CTNNA2: variants seen among roughly 807,000 people sequenced by gnomAD.
The protein encoded by CTNNA2 is catenin alpha-2.
Under a neutral mutation model 101.0 loss-of-function variants are expected in CTNNA2, and 42 were observed. That is an observed-to-expected ratio of 0.42 (90% CI 0.32 to 0.54). The LOEUF is 0.54. Among genes scored for constraint, CTNNA2 ranks in the 20% least tolerant of loss-of-function variants. The pLI is 0.14. For synonymous variants in CTNNA2, 450 were observed against 456.4 expected, an observed-to-expected ratio of 0.99 and a Z score of 0.18; for missense variants, 871 against 1,223.1, an observed-to-expected ratio of 0.71 and a Z score of 4.29.
intron 7 of CTNNA2, among the ~76,000 whole-genome samples, chr2:80,202,866 AC>A (rs1188998537): frequency 2.0e-5 from 3 of 152,212 alleles, no homozygotes; most frequent in African/African-American, 7.2e-5. Context: ...ATAAAGACAT[AC>A]CCAAGACTGG....
chr2:79,828,959 G>A (rs930324658), intron 3 of CTNNA2, among the ~76,000 whole-genome samples: 1 of 152,112 alleles, frequency 6.6e-6, no homozygotes, highest in East Asian at 1.9e-4. Flanking sequence ...ATTGACTGAA[G>A]AACTGTCAGA....
intron 7 of CTNNA2, among the ~76,000 whole-genome samples, chr2:80,332,148 AC>A (rs1312423408): frequency 6.6e-6 from 1 of 152,150 alleles, no homozygotes; most frequent in Non-Finnish European, 1.5e-5. Flanking sequence ...GTCTTAGTTT[AC>A]TTTTGGAAAT....
intron 7 of CTNNA2, among the ~76,000 whole-genome samples, chr2:79,972,120 T>G (rs368727326): frequency 1.3e-5 from 2 of 152,286 alleles, no homozygotes; most frequent in Non-Finnish European, 1.5e-5. Flanking sequence ...TACAAGAACA[T>G]GAATACTGGC....
At chr2:80,570,075 G>A (rs147507513) in intron 12 of CTNNA2, among the ~76,000 whole-genome samples, 5,923 of 152,158 alleles carry the variant, frequency 0.039, 402 homozygotes, top group African/African-American at 0.13. Flanking sequence ...TTGAGACGGA[G>A]TCTCGCTCTG....
At chr2:79,313,906 G>C (rs1676437872) in intron 3 of CTNNA2, among the ~76,000 whole-genome samples, 1 of 152,128 alleles carries the variant, frequency 6.6e-6, no homozygotes, top group Admixed American at 6.5e-5. Context: ...ACCGCAGGGA[G>C]ATGGGCAAGA....
intron 2 of CTNNA2, among the ~76,000 whole-genome samples, chr2:79,285,118 A>AT (rs1164576657): frequency 2.0e-5 from 3 of 150,788 alleles, no homozygotes; most frequent in African/African-American, 4.9e-5. Flanking sequence ...CCCCTTTATC[A>AT]TTTTTTATTG....
In CTNNA2 at chr2:79,825,201, G is replaced by T. The variant is rs200370287; in HGVS notation, c.299-32812G>T. ...GAGATCCTGGCTCCATAGGATTGTT[G>T]TTGATGGCATAAGAGAGACAGAGAG... On this transcript the variant is annotated intron_variant, in intron 3 of 18. Transcript: ENST00000402739. 7.2e-5 allele frequency among the ~76,000 whole-genome samples: 11 copies of T among 152,236 alleles called. No homozygotes were observed. The East Asian group carries it at 2.1e-3, about 29-fold the overall frequency.
chr2:80,568,990 G>C (rs1482436493), intron 12 of CTNNA2, among the ~76,000 whole-genome samples: 1 of 152,052 alleles, frequency 6.6e-6, no homozygotes, highest in Non-Finnish European at 1.5e-5. Context: ...TTAAAGCAGG[G>C]GTAAGGACCT....
chr2:79,302,179 T>C (rs934279159), intron 2 of CTNNA2, among the ~76,000 whole-genome samples: 24 of 152,216 alleles, frequency 1.6e-4, no homozygotes, highest in Middle Eastern at 3.4e-3. Flanking sequence ...TGAAAAGACT[T>C]AGTGACATCA....
chr2:79,328,530 G>A (rs1419832243), intron 3 of CTNNA2, among the ~76,000 whole-genome samples: 1 of 152,128 alleles, frequency 6.6e-6, no homozygotes, highest in Non-Finnish European at 1.5e-5. Flanking sequence ...TTGCAGAGAT[G>A]ATTTTAAGGA....
intron 2 of CTNNA2, among the ~76,000 whole-genome samples, chr2:79,706,362 C>CAAAAA (rs34157774): frequency 3.8e-5 from 3 of 78,006 alleles, no homozygotes; most frequent in Non-Finnish European, 4.9e-5. Context: ...GACTCCGTCT[C>CAAAAA]AAAAAAAAAA....
intron 1 of CTNNA2, among the ~76,000 whole-genome samples, chr2:79,643,222 A>G (rs570726839): frequency 6.6e-5 from 10 of 152,122 alleles, no homozygotes; most frequent in African/African-American, 2.2e-4. Flanking sequence ...TAGAACCACT[A>G]TCATAGTTCA....
intron 9 of CTNNA2, among the ~76,000 whole-genome samples, chr2:80,484,954 C>A (rs891507909): frequency 4.0e-5 from 6 of 151,840 alleles, no homozygotes; most frequent in Non-Finnish European, 8.8e-5. Flanking sequence ...TGCAGTGAGC[C>A]GAGACTGTGC....
intron 18 of CTNNA2, among the ~76,000 whole-genome samples, chr2:80,622,920 T>C (rs1671281274): frequency 6.6e-6 from 1 of 151,590 alleles, no homozygotes; most frequent in African/African-American, 2.4e-5. Context: ...TATTGTGACA[T>C]CAGAATTAGC....
intron 7 of CTNNA2, among the ~76,000 whole-genome samples, chr2:80,150,407 C>A (rs1389209791): frequency 2.0e-5 from 3 of 152,110 alleles, no homozygotes; most frequent in Non-Finnish European, 4.4e-5. Flanking sequence ...CGCTCACTTG[C>A]TACACTTTGG....
chr2:79,869,766 A>C (rs1328425756), intron 4 of CTNNA2, 50 bp from the exon 5 acceptor site: 2 of 1,579,196 alleles, frequency 1.3e-6, no homozygotes, highest in South Asian at 2.3e-5. Context: ...CATGTTGAAT[A>C]ATATTTAAAT....
intron 7 of CTNNA2, among the ~76,000 whole-genome samples, chr2:80,308,001 C>G (rs546968541): frequency 6.6e-6 from 1 of 152,174 alleles, no homozygotes; most frequent in Non-Finnish European, 1.5e-5. Context: ...GGAGCAAATT[C>G]GTTGTAGTTA....
rs562191161 is a variant in CTNNA2, at chr2:80,489,062, A to G, written c.1291-55920A>G. Among the ~76,000 whole-genome samples, 36 of 152,236 alleles carry G rather than the reference A, an allele frequency of 2.4e-4. No individual in the cohort carries two copies. In the South Asian group the frequency reaches 7.3e-3, roughly 31 times the overall value. On this transcript the variant is annotated intron_variant, in intron 9 of 18. Coordinates refer to ENST00000402739, the MANE Select transcript of CTNNA2 (RefSeq NM_001282597.3). ...TCCTGGACCCCAGAGAACTGCATTT[A>G]CTTCTGTCTTTGCATGTACCTTTGT... is the stretch of plus-strand genomic sequence containing the variant.
At chr2:79,989,813 G>T (rs549349672) in intron 7 of CTNNA2, among the ~76,000 whole-genome samples, 3 of 152,272 alleles carry the variant, frequency 2.0e-5, no homozygotes, top group South Asian at 4.2e-4. Context: ...ATCCAAAGGG[G>T]TCTACAGGGT....
Sources: gnomAD v4.1 joint callset for allele counts (sites outside exome capture counted in the v4.1 genomes callset) on GRCh38, gnomAD v4.1.1 for gene constraint, MANE v1.5 for transcripts, NCBI Gene and HGNC (gene_info 2026-07-23, HGNC 2026-07-21) for gene names.